The following STAB1 variants were observed in gnomAD, a reference collection of about 807,000 sequenced individuals.
STAB1 encodes the protein stabilin-1.
Under a neutral mutation model 332.4 loss-of-function variants are expected in STAB1, and 250 were observed. The observed-to-expected ratio is 0.75, with a 90% CI of 0.68 to 0.84. The LOEUF is 0.84. STAB1 is among the 40% of genes least tolerant of loss of function. The pLI is 0.00. For missense variants in STAB1, 3,249 were observed against 3,489.7 expected, an observed-to-expected ratio of 0.93 and a Z score of 1.74; for synonymous variants, 1,475 against 1,390.4, an observed-to-expected ratio of 1.06 and a Z score of -1.35.
chr3:52,505,202 A>C (rs970466809), intron 13 of STAB1, 59 bp downstream of exon 13: 24 of 1,606,410 alleles, frequency 1.5e-5, no homozygotes, highest in Non-Finnish European at 1.9e-5. Context: ...AGACCCCTGC[A>C]GAGAGCAGTG....
chr3:52,523,252 C>A lies in STAB1; in HGVS notation c.7051C>A (p.Arg2351=). 3 of 1,613,288 alleles carry A rather than the reference C, an allele frequency of 1.9e-6. No homozygotes were observed. The highest frequency in any genetic ancestry group is 2.5e-6 in the Non-Finnish European group (3 of 1,180,022). The change falls in exon 64 of 69, where the codon CGG becomes AGG. Residue 2351 remains arginine (R), a synonymous_variant. Coordinates refer to ENST00000321725, the MANE Select transcript of STAB1 (RefSeq NM_015136.3). ...MLLGYANATQ[R]GLDFLDFLDD... ...ATTGGGCTATGCCAATGCCACCCAG[C>A]GGGGTCTCGACTTCCTGGACTTCCT... is the stretch of plus-strand genomic sequence containing the variant.
chr3:52,513,226 T>A lies in STAB1; in HGVS notation c.3255T>A (p.Ile1085=). 1 of 1,580,516 alleles carries A rather than the reference T, an allele frequency of 6.3e-7. No homozygotes were observed. Residue 1085 remains isoleucine (I), a synonymous_variant, in exon 30 of 69, where the codon ATT becomes ATA. Coordinates refer to ENST00000321725, the MANE Select transcript of STAB1 (RefSeq NM_015136.3). The stretch of plus-strand genomic sequence containing the variant: ...TGAACCCCACCACACGCTGGGAGAT[T>A]CGCAACATTAGTGGGGTATGTGGTG... ...ATLNPTTRWE[I]RNISGRVWVQ... is the part of the protein sequence containing the mutation.
Position 52,523,930 on chromosome 3 carries a change from CGCTGGAGCACTGCTTGGCTTGGTG to C in STAB1, c.7458_7481del (p.Leu2490_Leu2497del). 3.7e-6 allele frequency: 6 copies of C among 1,610,068 alleles called. No individual in the cohort carries two copies. The South Asian group carries it at 6.6e-5, about 18-fold the overall frequency. On this transcript the variant is annotated inframe_deletion, in exon 67 of 69. Transcript: ENST00000321725. Reference sequence around the variant, plus strand: ...CGGCAGGCGTGGGGGCTGTGCTTGCCGCTGGAGCACTGCTTGGCTTGGTGGCCGGAGCTCTCTACCTCCGTGCCC... The same window carrying C: ...CGGCAGGCGTGGGGGCTGTGCTTGCCGCCGGAGCTCTCTACCTCCGTGCCC...
intron 1 of STAB1, among the ~76,000 whole-genome samples, chr3:52,496,238 A>G (rs1455235269): frequency 1.3e-5 from 2 of 152,218 alleles, no homozygotes; most frequent in East Asian, 1.9e-4. Context: ...TCCCTGTGAC[A>G]GGCTCCTGGC....
chr3:52,507,927 C>T lies in STAB1; in HGVS notation c.2053-4C>T, dbSNP rs118094465. ...ACTGACTGGCTTTGCATGGCCCACC[C>T]TAGGACATCTTCCCCAAGGAGTGTG... On this transcript the variant is annotated splice_polypyrimidine_tract_variant and splice_region_variant and intron_variant, in intron 19 of 68. Coordinates refer to ENST00000321725, the MANE Select transcript of STAB1 (RefSeq NM_015136.3). 3.6e-4 allele frequency: 585 copies of T among 1,612,962 alleles called. 7 individuals are homozygous for T. In the East Asian group the frequency reaches 0.011, roughly 30 times the overall value.
At chr3:52,504,383 G>A in intron 10 of STAB1, 78 bp from the exon 11 acceptor site, 1 of 1,523,742 alleles carries the variant, frequency 6.6e-7, no homozygotes, top group Non-Finnish European at 9.1e-7. Context: ...CCCACACCAG[G>A]TCTGATGCCC....
Position 52,503,114 on chromosome 3 carries a change from G to T in STAB1, c.694+5G>T. ...AGCAGGGCAGTGAATGCCGAGGTGAGCCTGGACTCAGAGGCCAGGGACTTC... is the reference window on the plus strand; with the variant it reads ...AGCAGGGCAGTGAATGCCGAGGTGATCCTGGACTCAGAGGCCAGGGACTTC... On this transcript the variant is annotated splice_donor_5th_base_variant and intron_variant, in intron 7 of 68. Transcript: ENST00000321725. 1.3e-6 allele frequency: 2 copies of T among 1,580,340 alleles called. No individual in the cohort carries two copies. Among genetic ancestry groups the T allele is most frequent in the South Asian group, 1.2e-5 (1 of 86,352 alleles).
At chr3:52,518,906 C>CCCCGCCCCGCCCCGCCCCGGCCCGT in intron 48 of STAB1, 37 bp downstream of exon 48, 1 of 1,438,326 alleles carries the variant, frequency 7.0e-7, no homozygotes, top group Non-Finnish European at 9.1e-7. Flanking sequence ...CTCCATCCCG[C>CCCCGCCCCGCCCCGCCCCGGCCCGT]CCCGCCCCGC....
At position 52,517,578 on chromosome 3, in the gene STAB1, G is replaced by A; in HGVS notation, c.4592G>A (p.Ser1531Asn). 1 of 1,612,984 alleles carries A rather than the reference G, an allele frequency of 6.2e-7. No individual in the cohort carries two copies. Among genetic ancestry groups the A allele is most frequent in the Non-Finnish European group, 8.5e-7 (1 of 1,179,924 alleles). Residue 1531 changes from serine to asparagine, a missense_variant, in exon 44 of 69, where the codon AGC becomes AAC. By Grantham distance (46) the Ser-to-Asn change is conservative. Coordinates refer to ENST00000321725, the MANE Select transcript of STAB1 (RefSeq NM_015136.3). ...QVSCSCREGY[S>N]GDGIRTCELL... is the part of the protein sequence containing the mutation. ...TCCTGCAGCTGCCGTGAGGGTTACA[G>A]CGGGGATGGCATCCGGACCTGCGAG...
intron 1 of STAB1, among the ~76,000 whole-genome samples, chr3:52,500,517 G>A (rs1020635909): frequency 5.3e-5 from 8 of 152,234 alleles, no homozygotes; most frequent in East Asian, 1.9e-4. Flanking sequence ...AAGCCCTTGC[G>A]CTTGGTTAGA....
At chr3:52,499,440 C>A (rs1455102163) in intron 1 of STAB1, among the ~76,000 whole-genome samples, 1 of 152,258 alleles carries the variant, frequency 6.6e-6, no homozygotes, top group South Asian at 2.1e-4. Context: ...TTGCTGAGAC[C>A]TTCTCCCAAT....
intron 10 of STAB1, 91 bp from the exon 11 acceptor site, chr3:52,504,370 T>TC: frequency 7.2e-7 from 1 of 1,392,108 alleles, no homozygotes; most frequent in Non-Finnish European, 1.0e-6. Context: ...CCACCCCAAC[T>TC]CCCCCACACC....
At chr3:52,514,280 C>A in intron 33 of STAB1, 67 bp downstream of exon 33, 2 of 1,597,954 alleles carry the variant, frequency 1.3e-6, no homozygotes, top group South Asian at 2.2e-5. Context: ...TCCAATCCCA[C>A]CACGAAGGGA....
At chr3:52,505,185 T>A (rs761743242) in intron 13 of STAB1, 42 bp downstream of exon 13, 38 of 1,609,002 alleles carry the variant, frequency 2.4e-5, no homozygotes, top group Non-Finnish European at 2.9e-5. Context: ...TGCTGCTGGG[T>A]AATCTCAGAC....
chr3:52,515,460 TCTC>T lies in STAB1; in HGVS notation c.3905_3907del (p.Ser1302del). The T allele has an allele frequency of 2.5e-6, 4 of 1,613,500 alleles. No individual in the cohort carries two copies. The highest frequency in any genetic ancestry group is 1.1e-5 in the South Asian group (1 of 91,078). On this transcript the variant is annotated inframe_deletion, in exon 37 of 69. Coordinates refer to ENST00000321725, the MANE Select transcript of STAB1 (RefSeq NM_015136.3). Reference sequence around the variant, plus strand: ...AAGAGCTGTGTCTACCGATCTGGCTTCTCCTTCTCCCGGGGCTGCTCTTACACA... The same window carrying T: ...AAGAGCTGTGTCTACCGATCTGGCTTCTTCTCCCGGGGCTGCTCTTACACA...
chr3:52,512,541 A>G, intron 27 of STAB1, 55 bp from the exon 28 acceptor site: 1 of 1,612,620 alleles, frequency 6.2e-7, no homozygotes. Flanking sequence ...CATGGTGGGG[A>G]AGGGGCTTGA....
At chr3:52,506,399 C>T in intron 17 of STAB1, 149 bp downstream of exon 17, 2 of 799,212 alleles carry the variant, frequency 2.5e-6, no homozygotes, top group South Asian at 1.7e-5. Flanking sequence ...AGGCAGAGAT[C>T]AAATTCCTCT....
intron 41 of STAB1, 87 bp from the exon 42 acceptor site, chr3:52,516,897 C>T: frequency 6.3e-7 from 1 of 1,599,968 alleles, no homozygotes; most frequent in Non-Finnish European, 8.5e-7. Flanking sequence ...TTCCCTCTGA[C>T]CTTTTCCTTT....
chr3:52,504,205 A>G, intron 10 of STAB1, 50 bp downstream of exon 10: 1 of 1,553,120 alleles, frequency 6.4e-7, no homozygotes, highest in Non-Finnish European at 8.7e-7. Context: ...CCCCCAGCAC[A>G]GTTGGCAGGG....
Sources: allele counts gnomAD v4.1 joint callset (sites outside exome capture counted in the v4.1 genomes callset), GRCh38; gene constraint gnomAD v4.1.1; transcripts MANE v1.5; gene names NCBI Gene and HGNC (gene_info 2026-07-23, HGNC 2026-07-21).